AADAT: variants seen among roughly 807,000 people sequenced by gnomAD.
AADAT encodes kynurenine/alpha-aminoadipate aminotransferase, mitochondrial.
AADAT carries 25 observed loss-of-function variants against 56.2 expected under a neutral mutation model. The observed-to-expected ratio is 0.44, with a 90% CI of 0.32 to 0.62. The LOEUF is 0.62. Ranked by LOEUF, AADAT falls within the 20% of genes least tolerant of loss-of-function variation. The pLI is 0.04. For synonymous variants in AADAT, 173 were observed against 164.7 expected, an observed-to-expected ratio of 1.05 and a Z score of -0.39; for missense variants, 387 against 510.5, an observed-to-expected ratio of 0.76 and a Z score of 2.33.
chr4:170,072,587 ACAGT>A (rs1347215645), intron 5 of AADAT, among the ~76,000 whole-genome samples: 29 of 152,356 alleles, frequency 1.9e-4, no homozygotes, highest in African/African-American at 6.0e-4. Flanking sequence ...GGTTGGGGAC[ACAGT>A]CAGGTACATA....
chr4:170,071,694 G>A (rs1001154776), intron 5 of AADAT, among the ~76,000 whole-genome samples: 10 of 152,170 alleles, frequency 6.6e-5, no homozygotes, highest in Admixed American at 4.6e-4. Context: ...AGGGCAGGGC[G>A]AAATGCAGCT....
chr4:170,074,452 A>C (rs1297623120), intron 4 of AADAT, among the ~76,000 whole-genome samples: 1 of 152,124 alleles, frequency 6.6e-6, no homozygotes, highest in African/African-American at 2.4e-5. Flanking sequence ...TATAATTATT[A>C]CTGGTTTATG....
chr4:170,085,574 T>A (rs1389518346), intron 3 of AADAT, among the ~76,000 whole-genome samples: 1 of 152,224 alleles, frequency 6.6e-6, no homozygotes, highest in Non-Finnish European at 1.5e-5. Flanking sequence ...GTAACTGGTG[T>A]TGTGATGGAT....
At chr4:170,069,595 T>C (rs566245834) in intron 6 of AADAT, among the ~76,000 whole-genome samples, 1 of 152,280 alleles carries the variant, frequency 6.6e-6, no homozygotes, top group African/African-American at 2.4e-5. Context: ...AAGACCATAA[T>C]GAGGATGGCC....
Position 170,061,937 on chromosome 4 carries a change from G to T in AADAT, c.1191C>A (p.Tyr397Ter). The change falls in exon 12 of 13, where the codon TAC becomes TAA. Residue 397 changes from tyrosine to a stop codon, truncating the protein, a stop_gained. Transcript: ENST00000337664. LOFTEE classifies it high-confidence loss of function. ...FYVDSSAPSP[Y>*]LRASFSSASP... Reference sequence around the variant, plus strand: ...AAGCTGAAGAGAAGGATGCTCTCAAGTAAGGGCTAGGAGCTGAGCTATCGA... The same window carrying T: ...AAGCTGAAGAGAAGGATGCTCTCAATTAAGGGCTAGGAGCTGAGCTATCGA... 6.2e-7 allele frequency: 1 copy of T among 1,613,294 alleles called. No homozygotes were observed. Among genetic ancestry groups the T allele is most frequent in the Non-Finnish European group, 8.5e-7 (1 of 1,179,518 alleles).
chr4:170,064,077 G>A (rs777244826), intron 11 of AADAT, among the ~76,000 whole-genome samples: 2 of 152,116 alleles, frequency 1.3e-5, no homozygotes, highest in South Asian at 2.1e-4. Flanking sequence ...CCAAAATACT[G>A]TAAGAACAAG....
upstream of AADAT, among the ~76,000 whole-genome samples, chr4:170,091,391 T>G (rs918392935): frequency 6.6e-6 from 1 of 151,340 alleles, no homozygotes; most frequent in Non-Finnish European, 1.5e-5. Context: ...CTGCGGAGGG[T>G]GTGCCCAGTC....
At chr4:170,085,138 C>T (rs1307405182) in intron 3 of AADAT, among the ~76,000 whole-genome samples, 1 of 152,052 alleles carries the variant, frequency 6.6e-6, no homozygotes, top group Non-Finnish European at 1.5e-5. Context: ...ATATAGTGTA[C>T]AATACATATA....
chr4:170,092,536 C>T (rs184178864), upstream of AADAT, among the ~76,000 whole-genome samples: 141 of 152,316 alleles, frequency 9.3e-4, 1 homozygote, highest in African/African-American at 3.2e-3. Flanking sequence ...TCTGCGGCTT[C>T]GTTCTTGATG....
intron 3 of AADAT, among the ~76,000 whole-genome samples, chr4:170,083,790 T>C (rs965206320): frequency 4.6e-5 from 7 of 152,126 alleles, no homozygotes; most frequent in African/African-American, 1.4e-4. Flanking sequence ...TTAATGGAAA[T>C]GTAAATTGGT....
upstream of AADAT, among the ~76,000 whole-genome samples, chr4:170,092,255 A>T (rs998729626): frequency 3.9e-5 from 6 of 152,246 alleles, no homozygotes; most frequent in Non-Finnish European, 7.3e-5. Flanking sequence ...CTTTGGGTCC[A>T]CATTGCTTTT....
chr4:170,081,367 A>C (rs1732299152), intron 3 of AADAT, among the ~76,000 whole-genome samples: 1 of 152,192 alleles, frequency 6.6e-6, no homozygotes, highest in Non-Finnish European at 1.5e-5. Context: ...AGGTGAGCAA[A>C]AGCAAGCAGT....
In AADAT at chr4:170,088,455, C is replaced by T. The variant is rs1401709165; in HGVS notation, c.177G>A (p.Lys59=). The change falls in exon 2 of 13, where the codon AAG becomes AAA. Residue 59 remains lysine (K), a synonymous_variant. Coordinates refer to ENST00000337664, the MANE Select transcript of AADAT (RefSeq NM_016228.4). Reference sequence around the variant, plus strand: ...TCATCTCTTCTCCAAATTGGATGGTCTTTCCATTTTCTACAGTGATTACGG... The same window carrying T: ...TCATCTCTTCTCCAAATTGGATGGTTTTTCCATTTTCTACAGTGATTACGG... ...KTAVITVENG[K]TIQFGEEMMK... The T allele has an allele frequency of 1.2e-6, 2 of 1,613,038 alleles. No individual in the cohort carries two copies. The highest frequency in any genetic ancestry group is 1.1e-5 in the South Asian group (1 of 91,010).
chr4:170,091,278 G>A (rs1732817135), upstream of AADAT, among the ~76,000 whole-genome samples: 1 of 152,204 alleles, frequency 6.6e-6, no homozygotes. Context: ...TTGCGAGCCA[G>A]CTAGAGTTCC....
chr4:170,090,236 G>C (rs919490931), upstream of AADAT: 2 of 152,348 alleles, frequency 1.3e-5, no homozygotes, highest in East Asian at 3.9e-4. Context: ...GAGGGGACCG[G>C]AAGTGCCCGT....
At chr4:170,087,384 T>A in intron 2 of AADAT, 136 bp from the exon 3 acceptor site, 1 of 774,146 alleles carries the variant, frequency 1.3e-6, no homozygotes, top group Non-Finnish European at 2.0e-6. Context: ...TTTTTGCCAG[T>A]ATGAATATTC....
intron 6 of AADAT, 122 bp downstream of exon 6, chr4:170,070,465 A>G (rs1731702657): frequency 1.5e-6 from 1 of 659,094 alleles, no homozygotes; most frequent in Admixed American, 3.2e-5. Flanking sequence ...ATCATAATTG[A>G]TTTATTTTCC....
chr4:170,089,580 G>C, intron 1 of AADAT, 44 bp downstream of exon 1: 1 of 1,610,530 alleles, frequency 6.2e-7, no homozygotes, highest in African/African-American at 1.3e-5. Flanking sequence ...GGCTGTGCGA[G>C]GAATGCCCCA....
At position 170,070,596 on chromosome 4, in the gene AADAT, C is replaced by G; in HGVS notation, c.711G>C (p.Gln237His). ...IIEDDPYYFL[Q>H]FNKFRVPTFL... ...TCACATAATCACTTACCTTGTTAAACTGGAGAAAATAGTAAGGATCATCTT... is the reference window on the plus strand; with the variant it reads ...TCACATAATCACTTACCTTGTTAAAGTGGAGAAAATAGTAAGGATCATCTT... The change falls in exon 6 of 13, where the codon CAG becomes CAC. Residue 237 changes from glutamine to histidine, a missense_variant. By Grantham distance (24) the Gln-to-His change is conservative. Coordinates refer to ENST00000337664, the MANE Select transcript of AADAT (RefSeq NM_016228.4). The G allele has an allele frequency of 6.3e-7, 1 of 1,581,724 alleles. No homozygotes were observed. Among genetic ancestry groups the G allele is most frequent in the Non-Finnish European group, 8.6e-7 (1 of 1,157,600 alleles).
Sources: allele counts gnomAD v4.1 joint callset (sites outside exome capture counted in the v4.1 genomes callset), GRCh38; gene constraint gnomAD v4.1.1; transcripts MANE v1.5; gene names NCBI Gene and HGNC (gene_info 2026-07-23, HGNC 2026-07-21).